LAMA2: variants seen among roughly 807,000 people sequenced by gnomAD.
LAMA2 encodes the protein laminin subunit alpha-2.
Under a neutral mutation model 364.8 loss-of-function variants are expected in LAMA2, and 269 were observed. That is an observed-to-expected ratio of 0.74 (90% CI 0.67 to 0.82). The LOEUF (loss-of-function observed/expected upper bound fraction) is 0.82. Among genes scored for constraint, LAMA2 ranks in the 40% least tolerant of loss-of-function variants. The pLI is 0.00. For synonymous variants in LAMA2, 1,379 were observed against 1,370.6 expected, an observed-to-expected ratio of 1.01 and a Z score of -0.14; for missense variants, 3,807 against 3,873.2, an observed-to-expected ratio of 0.98 and a Z score of 0.45.
At chr6:129,023,866 T>A (rs936679266) in intron 1 of LAMA2, among the ~76,000 whole-genome samples, 1 of 152,204 alleles carries the variant, frequency 6.6e-6, no homozygotes, top group African/African-American at 2.4e-5. Flanking sequence ...ATGTTCTTTG[T>A]TAGCTCATTA....
chr6:129,332,919 G>T (rs1251101926), intron 29 of LAMA2, among the ~76,000 whole-genome samples: 1 of 105,248 alleles, frequency 9.5e-6, no homozygotes, highest in African/African-American at 3.9e-5. Flanking sequence ...TTGAGAGGGA[G>T]TCTTGCTCTG....
In LAMA2 at chr6:129,276,139, C is replaced by G. The variant is rs188038706; in HGVS notation, c.2451-3922C>G. Reference sequence around the variant, plus strand: ...TTCTCCTCTTCCTCTCAGTCCCTGCCCCTTTTCAGTTATGTGTGAATATTC... The same window carrying G: ...TTCTCCTCTTCCTCTCAGTCCCTGCGCCTTTTCAGTTATGTGTGAATATTC... On this transcript the variant is annotated intron_variant, in intron 17 of 64. Coordinates refer to ENST00000421865, the MANE Select transcript of LAMA2 (RefSeq NM_000426.4). 1.1e-3 allele frequency among the ~76,000 whole-genome samples: 173 copies of G among 152,118 alleles called. 1 individual carries two copies. The highest frequency in any genetic ancestry group is 3.9e-3 in the African/African-American group (161 of 41,526).
At chr6:129,246,992 C>T (rs1215243148) in intron 12 of LAMA2, among the ~76,000 whole-genome samples, 2 of 151,942 alleles carry the variant, frequency 1.3e-5, no homozygotes, top group Non-Finnish European at 2.9e-5. Flanking sequence ...TTGGGGAAGA[C>T]ACAACTGGAA....
At position 129,226,018 on chromosome 6, in the gene LAMA2, C is replaced by A. The variant is rs531727734; in HGVS notation, c.1783-24094C>A. Among the ~76,000 whole-genome samples, 39 of 152,232 alleles carry A rather than the reference C, an allele frequency of 2.6e-4. 1 individual carries two copies. The highest frequency in any genetic ancestry group is 3.4e-3 in the Middle Eastern group (1 of 294). On this transcript the variant is annotated intron_variant, in intron 12 of 64. Coordinates refer to ENST00000421865, the MANE Select transcript of LAMA2 (RefSeq NM_000426.4). ...ACTTGCTTTATGAATCTGAGTGCTC[C>A]TGTATTGGGTGCATATATATTTAGG...
At chr6:129,284,916 A>G (rs1479495669) in intron 18 of LAMA2, among the ~76,000 whole-genome samples, 1 of 152,138 alleles carries the variant, frequency 6.6e-6, no homozygotes, top group Non-Finnish European at 1.5e-5. Flanking sequence ...ACAGATGTGG[A>G]AAGGAACAAT....
intron 1 of LAMA2, among the ~76,000 whole-genome samples, chr6:129,006,807 C>T (rs1784466829): frequency 6.6e-6 from 1 of 152,146 alleles, no homozygotes; most frequent in Non-Finnish European, 1.5e-5. Flanking sequence ...CCAACTTGGT[C>T]TTTGACCTCT....
chr6:129,418,085 C>T (rs2114724145), intron 40 of LAMA2, among the ~76,000 whole-genome samples: 1 of 152,164 alleles, frequency 6.6e-6, no homozygotes, highest in East Asian at 1.9e-4. Flanking sequence ...CAAAGCCAGA[C>T]AGGCTGACAC....
intron 18 of LAMA2, among the ~76,000 whole-genome samples, chr6:129,283,003 A>G (rs1788832814): frequency 6.6e-6 from 1 of 152,150 alleles, no homozygotes; most frequent in Non-Finnish European, 1.5e-5. Flanking sequence ...GCCAAACAAG[A>G]TACAACAAAA....
intron 3 of LAMA2, among the ~76,000 whole-genome samples, chr6:129,072,882 A>G (rs1773407914): frequency 6.6e-6 from 1 of 152,134 alleles, no homozygotes; most frequent in Admixed American, 6.5e-5. Context: ...ATAGGAAGTA[A>G]TTGTTACCAT....
chr6:128,972,465 A>G (rs1332855761), intron 1 of LAMA2, among the ~76,000 whole-genome samples: 1 of 152,238 alleles, frequency 6.6e-6, no homozygotes, highest in Non-Finnish European at 1.5e-5. Context: ...ATGAAGAAGC[A>G]ATGAACACAG....
intron 53 of LAMA2, 57 bp downstream of exon 53, chr6:129,475,458 T>TGCTTTA: frequency 7.3e-7 from 1 of 1,363,540 alleles, no homozygotes; most frequent in Non-Finnish European, 1.0e-6. Context: ...TAAATGTGGC[T>TGCTTTA]TCTTAGATAA....
At chr6:129,016,733 A>G (rs1490576338) in intron 1 of LAMA2, among the ~76,000 whole-genome samples, 1 of 151,880 alleles carries the variant, frequency 6.6e-6, no homozygotes, top group Non-Finnish European at 1.5e-5. Context: ...TTTGATCTAT[A>G]TGATGGTTAC....
Position 129,507,686 on chromosome 6 carries a change from CA to C in LAMA2, c.8857+47del, listed in dbSNP as rs1562635587. ...CTTCCTGTTGATTATTAACTAGATA[CA>C]AATACTAACTTCTTGCTAGTACCAA... is the stretch of plus-strand genomic sequence containing the variant. On this transcript the variant is annotated intron_variant, in intron 62 of 64. Coordinates refer to ENST00000421865, the MANE Select transcript of LAMA2 (RefSeq NM_000426.4). 5 of 1,575,132 alleles carry C rather than the reference CA, an allele frequency of 3.2e-6. 1 individual carries two copies. In the South Asian group the frequency reaches 5.5e-5, roughly 17 times the overall value.
intron 4 of LAMA2, among the ~76,000 whole-genome samples, chr6:129,140,658 A>C (rs1337886378): frequency 6.6e-6 from 1 of 152,030 alleles, no homozygotes; most frequent in Non-Finnish European, 1.5e-5. Context: ...ATGCTAAGCT[A>C]TCCAGTGGAC....
intron 28 of LAMA2, among the ~76,000 whole-genome samples, chr6:129,325,999 C>T (rs1162703310): frequency 6.6e-6 from 1 of 152,120 alleles, no homozygotes; most frequent in Non-Finnish European, 1.5e-5. Flanking sequence ...ATCACCACGC[C>T]TGGCTAATTT....
chr6:128,977,206 C>T (rs541023249), intron 1 of LAMA2, among the ~76,000 whole-genome samples: 5 of 151,206 alleles, frequency 3.3e-5, no homozygotes, highest in Admixed American at 6.6e-5. Flanking sequence ...GTTCCTCCCC[C>T]TCTCTGTTTC....
chr6:129,505,060 T>A, intron 60 of LAMA2, 140 bp from the exon 61 acceptor site: 1 of 737,306 alleles, frequency 1.4e-6, no homozygotes, highest in Non-Finnish European at 2.4e-6. Context: ...TTCCCATATA[T>A]AATGGGCTTA....
rs1192741041 is a variant in LAMA2 at position 129,297,488 on chromosome 6, A to G, written c.2857-197A>G. ...CAGTTAATTTTGATAAAATTTCAGA[A>G]TAATTGAACTTTTCTCTTTGGATAT... On this transcript the variant is annotated intron_variant, in intron 20 of 64. Transcript: ENST00000421865. 4.6e-5 allele frequency among the ~76,000 whole-genome samples: 7 copies of G among 152,200 alleles called. 1 individual carries two copies. The highest frequency in any genetic ancestry group is 3.9e-4 in the Admixed American group (6 of 15,282).
chr6:129,146,977 G>A lies in LAMA2; in HGVS notation c.838G>A (p.Asp280Asn). 6.2e-7 allele frequency: 1 copy of A among 1,610,706 alleles called. No homozygotes were observed. The highest frequency in any genetic ancestry group is 8.5e-7 in the Non-Finnish European group (1 of 1,177,102). Residue 280 changes from aspartate (D) to asparagine (N), a missense_variant, in exon 6 of 65, where the codon GAT becomes AAT. Physicochemically the swap from Asp to Asn is conservative, Grantham distance 23. This residue lies in a region of LAMA2 where 394 missense variants were observed against 403.5 expected (regional missense o/e 0.98). Coordinates refer to ENST00000421865, the MANE Select transcript of LAMA2 (RefSeq NM_000426.4). Reference protein sequence around the residue: ...VTRRYYYSVKDISVGGMCICY... With the variant: ...VTRRYYYSVKNISVGGMCICY... ...TTTGCAGTATTACTACTCGGTCAAG[G>A]ATATTTCAGTTGGAGGGATGTGCAT...
Sources: allele counts gnomAD v4.1 joint callset (sites outside exome capture counted in the v4.1 genomes callset), GRCh38; gene constraint gnomAD v4.1.1; regional missense constraint gnomAD v4.1.1; transcripts MANE v1.5; gene names NCBI Gene and HGNC (gene_info 2026-07-23, HGNC 2026-07-21).